IQCB1: variants seen among roughly 807,000 people sequenced by gnomAD.
The protein encoded by IQCB1 is IQ calmodulin-binding motif-containing protein 1.
IQCB1 carries 56 observed loss-of-function variants against 84.4 expected under a neutral mutation model. The ratio of observed to expected loss-of-function variants is 0.66; its 90% CI spans 0.54 to 0.83. The LOEUF (loss-of-function observed/expected upper bound fraction) is 0.83, where lower values mean the gene tolerates loss of function less well. IQCB1 is among the 40% of genes least tolerant of loss of function. IQCB1 has a pLI of 0.00. For missense variants in IQCB1, 629 were observed against 682.1 expected (o/e 0.92, Z 0.87); for synonymous variants, 210 against 234.8 (o/e 0.89, Z 0.96).
intron 10 of IQCB1, among the ~76,000 whole-genome samples, chr3:121,792,725 G>A (rs1949042355): frequency 1.3e-5 from 2 of 151,418 alleles, no homozygotes; most frequent in Non-Finnish European, 2.9e-5. Flanking sequence ...TTGTAAACAG[G>A]TGTGCTTATT....
At chr3:121,828,348 A>G in intron 4 of IQCB1, 122 bp downstream of exon 4, 1 of 820,250 alleles carries the variant, frequency 1.2e-6, no homozygotes, top group Non-Finnish European at 2.1e-6. Flanking sequence ...GGAAAAGTAC[A>G]ACCAAAACCT....
At chr3:121,802,030 A>T (rs1949427489) in intron 7 of IQCB1, among the ~76,000 whole-genome samples, 2 of 151,878 alleles carry the variant, frequency 1.3e-5, no homozygotes. Context: ...GTTGAATTTG[A>T]CTTATAAAAT....
At chr3:121,782,317 GT>G (rs1948532520) in intron 12 of IQCB1, among the ~76,000 whole-genome samples, 1 of 152,192 alleles carries the variant, frequency 6.6e-6, no homozygotes. Flanking sequence ...ATGGACTCTG[GT>G]AAAAAGAAAT....
intron 7 of IQCB1, among the ~76,000 whole-genome samples, chr3:121,801,257 G>A (rs1048248015): frequency 6.6e-6 from 1 of 152,026 alleles, no homozygotes; most frequent in African/African-American, 2.4e-5. Flanking sequence ...TCTTCCAGAA[G>A]TTAGTTTACC....
At chr3:121,827,729 G>A (rs1009151319) in intron 4 of IQCB1, among the ~76,000 whole-genome samples, 4 of 152,020 alleles carry the variant, frequency 2.6e-5, no homozygotes, top group African/African-American at 9.7e-5. Context: ...TAGCATCCAA[G>A]ACAAACCCTT....
intron 13 of IQCB1, among the ~76,000 whole-genome samples, chr3:121,779,420 A>G (rs1407589864): frequency 6.6e-6 from 1 of 152,120 alleles, no homozygotes; most frequent in Non-Finnish European, 1.5e-5. Context: ...CTAATCTGCT[A>G]TTATTTTGAT....
rs11288085 is a variant in IQCB1, at chr3:121,797,488, T to TA, written c.767-262dup. ...AAATCTGTCTAGACAATCTCTTTAA[T>TA]AAAAAAAAAAAAAAAGGAGTGGGAT... is the stretch of plus-strand genomic sequence containing the variant. On this transcript the variant is annotated intron_variant, in intron 8 of 14. Coordinates refer to ENST00000310864, the MANE Select transcript of IQCB1 (RefSeq NM_001023570.4). 1.6e-3 allele frequency among the ~76,000 whole-genome samples: 208 copies of TA among 133,640 alleles called. 1 individual carries two copies. The highest frequency in any genetic ancestry group is 9.6e-3 in the South Asian group (41 of 4,270). 87.7% of individuals were successfully genotyped at this position (133,640 alleles called of 152,430 possible).
chr3:121,831,205 T>G (rs116825937), intron 2 of IQCB1, among the ~76,000 whole-genome samples: 2,117 of 105,250 alleles, frequency 0.02, 54 homozygotes, highest in African/African-American at 0.074. Context: ...AGGATCTCAC[T>G]CCTGTTGCCC....
At chr3:121,803,867 T>C (rs1297818065) in intron 7 of IQCB1, among the ~76,000 whole-genome samples, 2 of 152,206 alleles carry the variant, frequency 1.3e-5, no homozygotes, top group Admixed American at 6.5e-5. Context: ...AGACAGCATA[T>C]AGTAGGCTTG....
chr3:121,817,079 TA>T, intron 5 of IQCB1, among the ~76,000 whole-genome samples: 1 of 152,172 alleles, frequency 6.6e-6, no homozygotes, highest in South Asian at 2.1e-4. Context: ...TATGCAGCCA[TA>T]AAAAAGAATG....
chr3:121,789,875 A>G (rs1041618104), intron 11 of IQCB1, among the ~76,000 whole-genome samples, 198 bp downstream of exon 11: 3 of 152,226 alleles, frequency 2.0e-5, no homozygotes, highest in South Asian at 2.1e-4. Flanking sequence ...GAGATTGTTC[A>G]TCGTCAACTA....
At chr3:121,794,993 T>C (rs1190243687) in intron 10 of IQCB1, among the ~76,000 whole-genome samples, 2 of 152,176 alleles carry the variant, frequency 1.3e-5, no homozygotes, top group Non-Finnish European at 2.9e-5. Context: ...ATGTCTTCAG[T>C]ATTTCCTTTT....
chr3:121,804,670 G>A (rs941897194), intron 7 of IQCB1, among the ~76,000 whole-genome samples: 12 of 152,012 alleles, frequency 7.9e-5, no homozygotes, highest in Non-Finnish European at 1.6e-4. Flanking sequence ...TGAGCATTTT[G>A]ATTACGATGT....
At chr3:121,770,661 C>T (rs1442522982) in intron 14 of IQCB1, 87 bp from the exon 15 acceptor site, 4 of 952,830 alleles carry the variant, frequency 4.2e-6, no homozygotes, top group African/African-American at 3.2e-5. Flanking sequence ...TGTAACTCTG[C>T]AGGCAGAAAC....
intron 13 of IQCB1, among the ~76,000 whole-genome samples, chr3:121,774,611 G>A (rs1003593298): frequency 2.0e-5 from 3 of 152,124 alleles, no homozygotes; most frequent in Non-Finnish European, 2.9e-5. Context: ...TCCGACATAT[G>A]CTAAAACATG....
Position 121,828,858 on chromosome 3 carries a change from T to C in IQCB1, c.100+3A>G, listed in dbSNP as rs1950540348. 9.1e-6 allele frequency: 14 copies of C among 1,537,210 alleles called. No individual in the cohort carries two copies. The South Asian group carries it at 1.3e-4, about 15-fold the overall frequency. ...CTATCTAATCACAAAAAGATTTTCT[T>C]ACCTTTTAACTTCAACAGTATAACA... On this transcript the variant is annotated splice_donor_region_variant and intron_variant, in intron 3 of 14. Coordinates refer to ENST00000310864, the MANE Select transcript of IQCB1 (RefSeq NM_001023570.4).
chr3:121,795,608 C>A, intron 9 of IQCB1, 42 bp from the exon 10 acceptor site: 29 of 982,740 alleles, frequency 3.0e-5, no homozygotes, highest in Non-Finnish European at 3.9e-5. Flanking sequence ...CTAGGAAGGT[C>A]TTTAAAAAAA....
intron 10 of IQCB1, 68 bp downstream of exon 10, chr3:121,795,389 T>G: frequency 1.1e-6 from 1 of 880,602 alleles, no homozygotes; most frequent in Admixed American, 1.8e-5. Flanking sequence ...AAAAATCACC[T>G]AAATTTCAAT....
chr3:121,770,090 G>C lies in IQCB1; in HGVS notation c.*255C>G. 1 of 396,128 alleles carries C rather than the reference G, an allele frequency of 2.5e-6. No individual in the cohort carries two copies. The highest frequency in any genetic ancestry group is 4.0e-5 in the South Asian group (1 of 25,114). 24.5% of individuals were successfully genotyped at this position (396,128 alleles called of 1,614,324 possible). ...AAAAACACACTTCATGTAAACAACA[G>C]AACACTATGCTAAGTTTAGTTCTAC... On this transcript the variant is annotated 3_prime_UTR_variant, in exon 15 of 15. Transcript: ENST00000310864.
Sources: gnomAD v4.1 joint callset for allele counts (sites outside exome capture counted in the v4.1 genomes callset) on GRCh38, gnomAD v4.1.1 for gene constraint, MANE v1.5 for transcripts, NCBI Gene and HGNC (gene_info 2026-07-23, HGNC 2026-07-21) for gene names.